The following SLC45A4 variants were observed in gnomAD, a reference collection of about 807,000 sequenced individuals.
SLC45A4 encodes the protein solute carrier family 45 member 4.
Under a neutral mutation model 63.7 loss-of-function variants are expected in SLC45A4, and 32 were observed. The observed-to-expected ratio is 0.50, with a 90% CI of 0.38 to 0.67. The LOEUF (loss-of-function observed/expected upper bound fraction) is 0.67, where lower values mean the gene tolerates loss of function less well. Ranked by LOEUF, SLC45A4 falls within the 30% of genes least tolerant of loss-of-function variation. The probability of loss-of-function intolerance (pLI) is 0.00; values close to 1 mark genes in which losing one functional copy is unlikely to be tolerated. For missense variants in SLC45A4, 1,027 were observed against 1,157.7 expected, an observed-to-expected ratio of 0.89 and a Z score of 1.64; for synonymous variants, 535 against 510.0, an observed-to-expected ratio of 1.05 and a Z score of -0.66.
At chr8:141,301,165 C>T (rs1453281188) in intron 1 of SLC45A4, among the ~76,000 whole-genome samples, 1 of 152,190 alleles carries the variant, frequency 6.6e-6, no homozygotes, top group East Asian at 1.9e-4. Context: ...TCCCAGGGAA[C>T]GTTCCAGCAA....
rs368362326 is a variant in SLC45A4, at chr8:141,212,539, G to A, written c.1959C>T (p.Pro653=). The A allele has an allele frequency of 1.4e-5, 23 of 1,607,202 alleles. No homozygotes were observed. The highest frequency in any genetic ancestry group is 1.2e-4 in the African/African-American group (9 of 74,840). ...TGCCAAACCCTCGCTTGGAGTTCCC[G>A]GGGCTGTGGTGGATGTACTGCAAGA... The part of the protein sequence containing the change: ...HDIKQYIHHS[P]GNSKRGFGID... The change falls in exon 8 of 9, where the codon CCC becomes CCT. Residue 653 remains proline (P), a synonymous_variant. Transcript: ENST00000517878.
intron 1 of SLC45A4, among the ~76,000 whole-genome samples, chr8:141,285,737 G>A (rs1043578766): frequency 2.0e-5 from 3 of 152,168 alleles, no homozygotes; most frequent in Non-Finnish European, 4.4e-5. Flanking sequence ...GCACGACACC[G>A]GGCAGGGGTC....
intron 8 of SLC45A4, 161 bp from the exon 9 acceptor site, chr8:141,211,858 A>C: frequency 3.9e-6 from 5 of 1,287,778 alleles, no homozygotes; most frequent in Non-Finnish European, 5.0e-6. Context: ...TTGTCTATAT[A>C]AATGTTTTAT....
At chr8:141,266,909 G>A (rs1051033869) in intron 1 of SLC45A4, among the ~76,000 whole-genome samples, 1 of 152,228 alleles carries the variant, frequency 6.6e-6, no homozygotes, top group Non-Finnish European at 1.5e-5. Context: ...TAAGATACTG[G>A]AAATGAGGAA....
intron 1 of SLC45A4, among the ~76,000 whole-genome samples, chr8:141,295,366 G>C (rs377629049): frequency 6.6e-6 from 1 of 152,228 alleles, no homozygotes; most frequent in Non-Finnish European, 1.5e-5. Context: ...GGCACCAGGC[G>C]GAACTCCCAG....
At chr8:141,302,631 G>A (rs558329417) in intron 1 of SLC45A4, among the ~76,000 whole-genome samples, 1 of 152,152 alleles carries the variant, frequency 6.6e-6, no homozygotes, top group Non-Finnish European at 1.5e-5. Flanking sequence ...CGCGGCAGGC[G>A]TAAAGTTATT....
At chr8:141,242,855 T>C (rs1005040048) in intron 2 of SLC45A4, among the ~76,000 whole-genome samples, 1 of 152,154 alleles carries the variant, frequency 6.6e-6, no homozygotes, top group Non-Finnish European at 1.5e-5. Flanking sequence ...AAGCTGAATG[T>C]GGACCTGAAT....
Position 141,254,579 on chromosome 8 carries a change from G to A in SLC45A4, c.-350C>T. ...TTTCTTGCTACAGAGAGGTGGGAAGGTGATACAAACAGGTGGTCCGCTGGT... is the reference window on the plus strand; with the variant it reads ...TTTCTTGCTACAGAGAGGTGGGAAGATGATACAAACAGGTGGTCCGCTGGT... On this transcript the variant is annotated 5_prime_UTR_variant, in exon 2 of 9. Coordinates refer to ENST00000517878, the MANE Select transcript of SLC45A4 (RefSeq NM_001286646.2). The surrounding 1 kb of genome is among the most constrained non-coding windows in gnomAD (Gnocchi z 4.5). 1 of 702,488 alleles carries A rather than the reference G, an allele frequency of 1.4e-6. No homozygotes were observed. Among genetic ancestry groups the A allele is most frequent in the Non-Finnish European group, 2.6e-6 (1 of 384,924 alleles). 43.5% of individuals were successfully genotyped at this position (702,488 alleles called of 1,614,324 possible).
chr8:141,212,287 T>C lies in SLC45A4; in HGVS notation c.2211A>G (p.Glu737=). 1 of 1,606,720 alleles carries C rather than the reference T, an allele frequency of 6.2e-7. No homozygotes were observed. Among genetic ancestry groups the C allele is most frequent in the Non-Finnish European group, 8.5e-7 (1 of 1,175,362 alleles). Residue 737 remains glutamate (E), a synonymous_variant, in exon 8 of 9, where the codon GAA becomes GAG. Transcript: ENST00000517878. ...QKGLSSPLAG[E]GRAGGNSEKP... is the part of the protein sequence containing the mutation. The stretch of plus-strand genomic sequence containing the variant: ...TTTCGCTGTTCCCACCGGCCCTGCC[T>C]TCGCCGGCCAACGGGGAAGACAGGC...
chr8:141,277,917 A>G (rs1056434807), intron 1 of SLC45A4, among the ~76,000 whole-genome samples: 2 of 151,980 alleles, frequency 1.3e-5, no homozygotes, highest in East Asian at 3.9e-4. Flanking sequence ...GAAAAAAACA[A>G]TTTTTTAAGA....
At chr8:141,228,083 T>A in intron 2 of SLC45A4, 1 of 1,449,242 alleles carries the variant, frequency 6.9e-7, no homozygotes, top group Non-Finnish European at 9.6e-7. Flanking sequence ...CTGTGTGGAG[T>A]GGAGCTGTTG....
intron 1 of SLC45A4, among the ~76,000 whole-genome samples, chr8:141,300,974 G>A (rs978686909): frequency 2.6e-5 from 4 of 152,188 alleles, no homozygotes; most frequent in South Asian, 2.1e-4. Context: ...CAAGCGCCCC[G>A]TGCAAACACA....
chr8:141,295,612 G>A (rs183489772), intron 1 of SLC45A4, among the ~76,000 whole-genome samples: 3 of 152,294 alleles, frequency 2.0e-5, no homozygotes, highest in East Asian at 1.9e-4. Flanking sequence ...CCAGGGGGAC[G>A]CAGAAAACAG....
At chr8:141,259,334 G>A (rs777860231) in intron 1 of SLC45A4, among the ~76,000 whole-genome samples, 9 of 152,342 alleles carry the variant, frequency 5.9e-5, no homozygotes, top group East Asian at 1.9e-4. Context: ...GGCGCTGCAC[G>A]TTCAGCCGTG....
rs1490896397 is a variant in SLC45A4 at position 141,218,457 on chromosome 8, G to C, written c.1183C>G (p.Leu395Val). 3 of 1,612,820 alleles carry C rather than the reference G, an allele frequency of 1.9e-6. No individual in the cohort carries two copies. The highest frequency in any genetic ancestry group is 2.7e-5 in the African/African-American group (2 of 74,930). Residue 395 changes from leucine (L) to valine (V), a missense_variant, in exon 5 of 9, where the codon CTC becomes GTC. By Grantham distance (32) the Leu-to-Val change is conservative. Transcript: ENST00000517878. ...NGSGSPTKDALGGYTRVDTKP... is the reference protein window; with the variant it reads ...NGSGSPTKDAVGGYTRVDTKP... ...GTGTCCACCCTGGTGTAGCCGCCGA[G>C]GGCGTCTTTTGTGGGGGAGCCACTT...
rs1414369319 is a variant in SLC45A4, at chr8:141,256,092, G to T, written c.-400-1463C>A. Among the ~76,000 whole-genome samples, 1 of 152,174 alleles carries T rather than the reference G, an allele frequency of 6.6e-6. No individual in the cohort carries two copies. The highest frequency in any genetic ancestry group is 1.9e-4 in the East Asian group (1 of 5,168). ...AGCTTGGTGACAAATTCCCCACCTG[G>T]GCAAACACATACAATAAAGCAGCAA... On this transcript the variant is annotated intron_variant, in intron 1 of 8. Coordinates refer to ENST00000517878, the MANE Select transcript of SLC45A4 (RefSeq NM_001286646.2). This position sits in a 1 kb window ranked among gnomAD's most constrained non-coding sequence, Gnocchi z 4.3.
intron 2 of SLC45A4, among the ~76,000 whole-genome samples, chr8:141,230,823 G>A (rs966260430): frequency 3.9e-5 from 6 of 152,262 alleles, no homozygotes; most frequent in African/African-American, 9.6e-5. Flanking sequence ...TGGCACAGGC[G>A]TGGTGAGTGC....
At chr8:141,216,208 C>G (rs1428189912) in intron 6 of SLC45A4, among the ~76,000 whole-genome samples, 7 of 152,198 alleles carry the variant, frequency 4.6e-5, no homozygotes, top group African/African-American at 7.2e-5. Context: ...CCCTCCTTGT[C>G]CCAGACCCCA....
rs569419101 is a variant in SLC45A4 at position 141,258,766 on chromosome 8, C to T, written c.-400-4137G>A. On this transcript the variant is annotated intron_variant, in intron 1 of 8. Coordinates refer to ENST00000517878, the MANE Select transcript of SLC45A4 (RefSeq NM_001286646.2). ...ATTAGCCAGATGTGATGGTATGTGCCTATAGTCCCATCTACTCAGGAGATT... is the reference window on the plus strand; with the variant it reads ...ATTAGCCAGATGTGATGGTATGTGCTTATAGTCCCATCTACTCAGGAGATT... 3.3e-5 allele frequency among the ~76,000 whole-genome samples: 5 copies of T among 152,084 alleles called. No homozygotes were observed. The South Asian group carries it at 1.0e-3, about 32-fold the overall frequency.
Sources: gnomAD v4.1 joint callset for allele counts (sites outside exome capture counted in the v4.1 genomes callset) on GRCh38, gnomAD v4.1.1 for gene constraint, Gnocchi (gnomAD v3.1) non-coding constraint, MANE v1.5 for transcripts, NCBI Gene and HGNC (gene_info 2026-07-23, HGNC 2026-07-21) for gene names.